The following IQCK variants were observed in gnomAD, a reference collection of about 807,000 sequenced individuals.
IQCK encodes IQ motif containing K.
In IQCK, 29 loss-of-function variants were observed where a neutral mutation model predicts 28.1. The ratio of observed to expected loss-of-function variants is 1.03; its 90% confidence interval spans 0.77 to 1.41. IQCK has a LOEUF of 1.41. Among genes scored for constraint, IQCK ranks in the 40% most tolerant of loss-of-function variants. IQCK has a pLI of 0.00. For missense variants in IQCK, 359 were observed against 314.7 expected, an observed-to-expected ratio of 1.14 and a Z score of -1.07; for synonymous variants, 113 against 115.1, an observed-to-expected ratio of 0.98 and a Z score of 0.12.
At chr16:19,806,565 C>T (rs925749221) in intron 7 of IQCK, among the ~76,000 whole-genome samples, 8 of 151,206 alleles carry the variant, frequency 5.3e-5, no homozygotes, top group Admixed American at 1.3e-4. Flanking sequence ...TGGCACACAC[C>T]TGTAGTCCTA....
rs529837101 is a variant in IQCK at position 19,772,312 on chromosome 16, G to A, written c.605+8200G>A. Among the ~76,000 whole-genome samples the A allele has an allele frequency of 3.9e-5, 6 of 152,304 alleles. No individual in the cohort carries two copies. In the South Asian group the frequency reaches 1.2e-3, roughly 32 times the overall value. On this transcript the variant is annotated intron_variant, in intron 6 of 7. Coordinates refer to ENST00000564186, the Ensembl canonical transcript of IQCK. ...ACTCAGAAACACTAAGATGAGGGTA[G>A]TGGGGTCCATCTTAGAATCAAGACA...
chr16:19,835,464 A>G (rs1413405757), intron 9 of IQCK, among the ~76,000 whole-genome samples: 2 of 152,144 alleles, frequency 1.3e-5, no homozygotes, highest in Non-Finnish European at 2.9e-5. Context: ...GCGCTGTACC[A>G]TACTTTTGTA....
At chr16:19,766,489 A>G (rs2055239994) in intron 6 of IQCK, among the ~76,000 whole-genome samples, 1 of 152,184 alleles carries the variant, frequency 6.6e-6, no homozygotes, top group Admixed American at 6.5e-5. Context: ...TCTTGTCTCA[A>G]GTAGGAATAG....
intron 4 of IQCK, among the ~76,000 whole-genome samples, chr16:19,750,353 C>T (rs1405214438): frequency 6.6e-6 from 1 of 151,922 alleles, no homozygotes; most frequent in Non-Finnish European, 1.5e-5. Flanking sequence ...TCTTGAACTC[C>T]TGATCTCAAG....
intron 9 of IQCK, among the ~76,000 whole-genome samples, chr16:19,849,504 G>A (rs941691485): frequency 5.3e-5 from 8 of 151,762 alleles, no homozygotes; most frequent in Admixed American, 1.3e-4. Flanking sequence ...GCTCATACCT[G>A]TAATCTCAGC....
At chr16:19,722,517 A>C (rs1254360076) in intron 1 of IQCK, among the ~76,000 whole-genome samples, 1 of 152,100 alleles carries the variant, frequency 6.6e-6, no homozygotes, top group African/African-American at 2.4e-5. Context: ...TCCCTTATCA[A>C]CTAAGGGCAG....
At chr16:19,848,374 G>C (rs938589502) in intron 9 of IQCK, among the ~76,000 whole-genome samples, 1 of 152,312 alleles carries the variant, frequency 6.6e-6, no homozygotes, top group South Asian at 2.1e-4. Context: ...GAGCACCCAT[G>C]CTCTGAGTTT....
At chr16:19,722,495 T>G (rs1223172227) in intron 1 of IQCK, among the ~76,000 whole-genome samples, 1 of 152,182 alleles carries the variant, frequency 6.6e-6, no homozygotes, top group African/African-American at 2.4e-5. Context: ...CCTATCAGTC[T>G]TTCATTCCCA....
intron 6 of IQCK, among the ~76,000 whole-genome samples, chr16:19,780,261 T>G (rs2055460796): frequency 6.6e-6 from 1 of 151,606 alleles, no homozygotes. Flanking sequence ...AGGCTGGTCT[T>G]GCACTCCTGA....
downstream of IQCK, among the ~76,000 whole-genome samples, chr16:19,827,717 G>A (rs920241118): frequency 1.3e-5 from 2 of 152,158 alleles, no homozygotes; most frequent in South Asian, 2.1e-4. Flanking sequence ...GAACAAAATG[G>A]TGGAGGAAGG....
chr16:19,798,225 C>CAACA (rs2055713409), intron 7 of IQCK, among the ~76,000 whole-genome samples: 1 of 56,898 alleles, frequency 1.8e-5, no homozygotes, highest in Non-Finnish European at 2.5e-5. Context: ...GGAGACCAGC[C>CAACA]TGGCCAACAT....
intron 7 of IQCK, among the ~76,000 whole-genome samples, chr16:19,822,142 C>T (rs1317702970): frequency 6.7e-6 from 1 of 148,928 alleles, no homozygotes; most frequent in Non-Finnish European, 1.5e-5. Context: ...AATCCCCGCA[C>T]TTTGGGAGGC....
intron 2 of IQCK, among the ~76,000 whole-genome samples, chr16:19,733,206 C>T (rs1053012876): frequency 6.6e-5 from 10 of 151,790 alleles, no homozygotes; most frequent in African/African-American, 1.7e-4. Flanking sequence ...GGTGTGATCT[C>T]AGCTCACTGT....
At chr16:19,734,459 C>CAAAAAAA (rs34178017) in intron 3 of IQCK, among the ~76,000 whole-genome samples, 1 of 50,258 alleles carries the variant, frequency 2.0e-5, no homozygotes, top group African/African-American at 5.5e-5. Context: ...GACTCCATCA[C>CAAAAAAA]AAAAAAAAAA....
chr16:19,750,622 C>T (rs567831115), intron 4 of IQCK, among the ~76,000 whole-genome samples: 69 of 139,982 alleles, frequency 4.9e-4, no homozygotes, highest in African/African-American at 1.7e-3. Flanking sequence ...CCACCATGCC[C>T]GGCTAATTTT....
chr16:19,719,326 A>G lies in IQCK; in HGVS notation c.181+839A>G, dbSNP rs76923266. Among the ~76,000 whole-genome samples, 20 of 152,242 alleles carry G rather than the reference A, an allele frequency of 1.3e-4. No homozygotes were observed. In the East Asian group the frequency reaches 3.5e-3, roughly 27 times the overall value. ...TGTTTTCTTTTTCCTCCACTAGACC[A>G]TAAGCTCCTCAAGGTCAAGGACTCA... is the stretch of plus-strand genomic sequence containing the variant. On this transcript the variant is annotated intron_variant, in intron 1 of 7. Transcript: ENST00000564186.
chr16:19,811,202 T>C (rs1597580012), intron 7 of IQCK, among the ~76,000 whole-genome samples: 1 of 151,120 alleles, frequency 6.6e-6, no homozygotes, highest in East Asian at 2.0e-4. Context: ...GCCCAGGAGG[T>C]TGAAGCCGCA....
intron 6 of IQCK, among the ~76,000 whole-genome samples, chr16:19,776,695 C>T (rs188257476): frequency 4.0e-4 from 61 of 152,172 alleles, no homozygotes; most frequent in African/African-American, 1.4e-3. Flanking sequence ...GGTGATAGAG[C>T]GAGCCTCCGT....
At chr16:19,733,664 A>G in intron 2 of IQCK, 34 bp from the exon 3 acceptor site, 1 of 1,610,394 alleles carries the variant, frequency 6.2e-7, no homozygotes, top group Non-Finnish European at 8.5e-7. Flanking sequence ...AAGCTGTTTA[A>G]ATGAATTGCC....
Sources: gnomAD v4.1 joint callset for allele counts (sites outside exome capture counted in the v4.1 genomes callset) on GRCh38, gnomAD v4.1.1 for gene constraint, MANE v1.5 for transcripts, NCBI Gene and HGNC (gene_info 2026-07-23, HGNC 2026-07-21) for gene names.